Variants in DTNA observed in about 807,000 individuals in gnomAD.
The protein encoded by DTNA is dystrophin-related protein 3.
In DTNA, 43 loss-of-function variants were observed where a neutral mutation model predicts 100.7. The observed-to-expected ratio is 0.43, with a 90% confidence interval of 0.33 to 0.55. DTNA has a LOEUF of 0.55. Among genes scored for constraint, DTNA ranks in the 20% least tolerant of loss-of-function variants. The pLI is 0.04. For synonymous variants in DTNA, 349 were observed against 347.9 expected, an observed-to-expected ratio of 1.00 and a Z score of -0.04; for missense variants, 798 against 953.9, an observed-to-expected ratio of 0.84 and a Z score of 2.15.
At chr18:34,568,619 A>C (rs150701319) in intron 1 of DTNA, among the ~76,000 whole-genome samples, 1 of 151,874 alleles carries the variant, frequency 6.6e-6, no homozygotes, top group East Asian at 1.9e-4. Context: ...TAATTTTTTT[A>C]TTTTCATTTA....
At chr18:34,601,108 G>GTTA (rs2051719866) in intron 1 of DTNA, among the ~76,000 whole-genome samples, 2 of 149,536 alleles carry the variant, frequency 1.3e-5, no homozygotes, top group Admixed American at 1.3e-4. Flanking sequence ...AGCCAGTGGT[G>GTTA]TTAGACAGCA....
chr18:34,793,418 T>A (rs895946766), intron 3 of DTNA, among the ~76,000 whole-genome samples: 2 of 152,234 alleles, frequency 1.3e-5, no homozygotes, highest in African/African-American at 4.8e-5. Context: ...AGTTCAGTGA[T>A]GTGTGACTTA....
At chr18:34,659,623 G>GACACAC (rs1265884441) in intron 1 of DTNA, among the ~76,000 whole-genome samples, 3 of 140,856 alleles carry the variant, frequency 2.1e-5, no homozygotes, top group African/African-American at 8.9e-5. Flanking sequence ...CATACACACA[G>GACACAC]ACACACACAG....
intron 1 of DTNA, among the ~76,000 whole-genome samples, chr18:34,672,420 T>G (rs903545294): frequency 6.6e-6 from 1 of 152,202 alleles, no homozygotes; most frequent in Non-Finnish European, 1.5e-5. Flanking sequence ...TCTAAGAAAG[T>G]GACTCCTATT....
intron 21 of DTNA, among the ~76,000 whole-genome samples, chr18:34,882,526 G>C (rs781240442): frequency 6.6e-6 from 1 of 151,820 alleles, no homozygotes; most frequent in Non-Finnish European, 1.5e-5. Context: ...GCACCACCAC[G>C]CCCAGTTAAT....
intron 1 of DTNA, among the ~76,000 whole-genome samples, chr18:34,694,120 A>G (rs930089110): frequency 6.7e-6 from 1 of 150,152 alleles, no homozygotes; most frequent in African/African-American, 2.5e-5. Flanking sequence ...ATAAATATAC[A>G]GTATTTTAGA....
chr18:34,581,785 C>A (rs9965134), intron 1 of DTNA, among the ~76,000 whole-genome samples: 15,596 of 151,570 alleles, frequency 0.1, 1,167 homozygotes, highest in African/African-American at 0.21. Context: ...CACCATGCCC[C>A]GCTAATTTTT....
intron 15 of DTNA, among the ~76,000 whole-genome samples, chr18:34,857,687 C>A (rs978753583): frequency 6.6e-6 from 1 of 151,906 alleles, no homozygotes; most frequent in Non-Finnish European, 1.5e-5. Context: ...TCCCTGAGAT[C>A]CATTGTTAAG....
At chr18:34,547,039 TTATGA>T (rs2044860391) in intron 1 of DTNA, among the ~76,000 whole-genome samples, 1 of 152,060 alleles carries the variant, frequency 6.6e-6, no homozygotes, top group Non-Finnish European at 1.5e-5. Flanking sequence ...AAATCTGCTG[TTATGA>T]TATTATCTAA....
chr18:34,716,588 G>C (rs2084127631), intron 1 of DTNA, among the ~76,000 whole-genome samples: 1 of 152,066 alleles, frequency 6.6e-6, no homozygotes, highest in Non-Finnish European at 1.5e-5. Context: ...AAGAAAAAAA[G>C]CTGCAAGAAG....
At chr18:34,558,306 G>A (rs866200478) in intron 1 of DTNA, among the ~76,000 whole-genome samples, 20 of 152,316 alleles carry the variant, frequency 1.3e-4, no homozygotes, top group Admixed American at 9.1e-4. Flanking sequence ...ACCTCAGATG[G>A]AAATGCAGAA....
At chr18:34,724,741 T>C (rs1040491357) in intron 1 of DTNA, among the ~76,000 whole-genome samples, 2 of 152,070 alleles carry the variant, frequency 1.3e-5, no homozygotes, top group East Asian at 1.9e-4. Flanking sequence ...ACCTCCAACA[T>C]TGGAGGTCAC....
At chr18:34,853,377 T>A (rs2096507935) in intron 15 of DTNA, among the ~76,000 whole-genome samples, 1 of 152,132 alleles carries the variant, frequency 6.6e-6, no homozygotes, top group African/African-American at 2.4e-5. Flanking sequence ...CCTGTAAAAT[T>A]TGACCTGAGA....
intron 5 of DTNA, among the ~76,000 whole-genome samples, chr18:34,807,658 T>C (rs2149270115): frequency 1.3e-5 from 2 of 152,148 alleles, no homozygotes; most frequent in South Asian, 4.1e-4. Context: ...ACAGCTTCCC[T>C]CACTTCTGGG....
At chr18:34,815,676 T>C (rs1452022291) in intron 6 of DTNA, 3 of 485,280 alleles carry the variant, frequency 6.2e-6, no homozygotes, top group East Asian at 3.9e-5. Flanking sequence ...GGTGATACTA[T>C]TGACTCAGCC....
intron 1 of DTNA, among the ~76,000 whole-genome samples, chr18:34,729,831 A>G (rs2087653155): frequency 6.6e-6 from 1 of 151,762 alleles, no homozygotes; most frequent in Admixed American, 6.6e-5. Context: ...CAGTTCCCCA[A>G]CCAAAGCAGA....
intron 1 of DTNA, among the ~76,000 whole-genome samples, chr18:34,521,385 C>T (rs1035584173): frequency 1.3e-4 from 20 of 152,176 alleles, no homozygotes; most frequent in African/African-American, 4.8e-5. Context: ...CCCTGCTCCT[C>T]CTTCGGCTTC....
chr18:34,650,899 T>A (rs1032686985), intron 1 of DTNA, among the ~76,000 whole-genome samples: 4 of 152,196 alleles, frequency 2.6e-5, no homozygotes, highest in South Asian at 2.1e-4. Context: ...CTACCCTGAA[T>A]CATTTGAATG....
At chr18:34,522,432 G>C (rs2042231730) in intron 1 of DTNA, among the ~76,000 whole-genome samples, 1 of 152,128 alleles carries the variant, frequency 6.6e-6, no homozygotes, top group Non-Finnish European at 1.5e-5. Context: ...ACTTTTATGT[G>C]GGATGACAAA....
Sources: gnomAD v4.1 joint callset for allele counts (sites outside exome capture counted in the v4.1 genomes callset) on GRCh38, gnomAD v4.1.1 for gene constraint, MANE v1.5 for transcripts, NCBI Gene and HGNC (gene_info 2026-07-23, HGNC 2026-07-21) for gene names.